ADGRL3: variants seen among roughly 807,000 people sequenced by gnomAD.
ADGRL3 encodes calcium-independent alpha-latrotoxin receptor 3.
Under a neutral mutation model 153.5 loss-of-function variants are expected in ADGRL3, and 62 were observed. That is an observed-to-expected ratio of 0.40 (90% CI 0.33 to 0.50). ADGRL3 has a LOEUF of 0.50. Among genes scored for constraint, ADGRL3 ranks in the 20% least tolerant of loss-of-function variants. ADGRL3 has a pLI of 0.47. For missense variants in ADGRL3, 1,641 were observed against 1,859.4 expected, an observed-to-expected ratio of 0.88 and a Z score of 2.16; for synonymous variants, 710 against 672.5, an observed-to-expected ratio of 1.06 and a Z score of -0.86.
At chr4:61,600,571 G>A (rs2099007268) in intron 5 of ADGRL3, among the ~76,000 whole-genome samples, 1 of 152,088 alleles carries the variant, frequency 6.6e-6, no homozygotes, top group Non-Finnish European at 1.5e-5. Context: ...GAGCAATTTA[G>A]AATACTTGCT....
At chr4:61,315,306 T>C (rs1421906621) in intron 1 of ADGRL3, among the ~76,000 whole-genome samples, 1 of 152,172 alleles carries the variant, frequency 6.6e-6, no homozygotes, top group African/African-American at 2.4e-5. Context: ...TTTCACCCCA[T>C]GGATGGTAAG....
intron 5 of ADGRL3, among the ~76,000 whole-genome samples, chr4:61,608,279 C>A (rs749615847): frequency 6.6e-6 from 1 of 152,138 alleles, no homozygotes; most frequent in South Asian, 2.1e-4. Flanking sequence ...TGGCAGAGGC[C>A]GAACATCTAA....
chr4:61,368,816 G>A (rs1384172433), intron 1 of ADGRL3, among the ~76,000 whole-genome samples: 3 of 152,058 alleles, frequency 2.0e-5, no homozygotes, highest in Non-Finnish European at 2.9e-5. Context: ...AAATTACCTT[G>A]GGCAGTATGG....
At chr4:62,050,655 A>G (rs1281987357) in intron 25 of ADGRL3, among the ~76,000 whole-genome samples, 1 of 152,072 alleles carries the variant, frequency 6.6e-6, no homozygotes, top group Non-Finnish European at 1.5e-5. Flanking sequence ...GATTTATATA[A>G]ATTAAAGCTA....
At chr4:61,621,748 T>G (rs1161105604) in intron 5 of ADGRL3, among the ~76,000 whole-genome samples, 9 of 152,174 alleles carry the variant, frequency 5.9e-5, no homozygotes, top group Admixed American at 5.9e-4. Flanking sequence ...GCTAATTAAT[T>G]GAATAAAACA....
intron 1 of ADGRL3, among the ~76,000 whole-genome samples, chr4:61,261,061 C>T (rs1382043747): frequency 6.6e-6 from 1 of 151,916 alleles, no homozygotes; most frequent in Non-Finnish European, 1.5e-5. Flanking sequence ...GAAAAATATC[C>T]GTTTACCAAG....
chr4:61,861,478 A>C (rs544200175), intron 9 of ADGRL3, among the ~76,000 whole-genome samples: 2 of 152,246 alleles, frequency 1.3e-5, no homozygotes, highest in South Asian at 4.2e-4. Flanking sequence ...ATTGAGCAAC[A>C]ATCTTGACAA....
intron 2 of ADGRL3, among the ~76,000 whole-genome samples, chr4:61,466,150 TAAAC>T (rs1320808122): frequency 3.3e-5 from 5 of 151,814 alleles, no homozygotes; most frequent in South Asian, 2.1e-4. Flanking sequence ...AATAAATAAA[TAAAC>T]AAACAATCCA....
chr4:61,719,764 G>T (rs1422009705), intron 6 of ADGRL3, among the ~76,000 whole-genome samples: 1 of 151,852 alleles, frequency 6.6e-6, no homozygotes, highest in Non-Finnish European at 1.5e-5. Context: ...ACTACGCCTG[G>T]CTAATTTTTG....
At chr4:61,737,333 T>C (rs1580527845) in intron 8 of ADGRL3, among the ~76,000 whole-genome samples, 2 of 152,220 alleles carry the variant, frequency 1.3e-5, no homozygotes, top group East Asian at 1.9e-4. Flanking sequence ...GGGGTATCTA[T>C]GTTTTATGTC....
chr4:61,865,969 G>A (rs183332351), intron 9 of ADGRL3, among the ~76,000 whole-genome samples: 29 of 152,312 alleles, frequency 1.9e-4, no homozygotes, highest in Non-Finnish European at 3.8e-4. Flanking sequence ...ATTGAGGAAA[G>A]TTTGACAGTG....
intron 1 of ADGRL3, among the ~76,000 whole-genome samples, chr4:61,372,624 C>G (rs2096549115): frequency 6.6e-6 from 1 of 152,160 alleles, no homozygotes; most frequent in Non-Finnish European, 1.5e-5. Context: ...AACCACTGCT[C>G]TCTTCAAAGC....
At chr4:61,747,890 T>C (rs532838637) in intron 8 of ADGRL3, among the ~76,000 whole-genome samples, 1 of 152,192 alleles carries the variant, frequency 6.6e-6, no homozygotes, top group African/African-American at 2.4e-5. Context: ...ATAAAGGGTA[T>C]TCAATTAGGA....
chr4:61,716,991 A>G (rs1379020369), intron 6 of ADGRL3, among the ~76,000 whole-genome samples: 4 of 152,100 alleles, frequency 2.6e-5, no homozygotes, highest in Non-Finnish European at 4.4e-5. Context: ...GAACTTGACC[A>G]TGGTGTGATG....
At chr4:61,819,907 A>G (rs920340826) in intron 9 of ADGRL3, among the ~76,000 whole-genome samples, 1 of 152,112 alleles carries the variant, frequency 6.6e-6, no homozygotes, top group Non-Finnish European at 1.5e-5. Context: ...AATTATATAC[A>G]TATATAAAAT....
At chr4:61,661,205 T>TA (rs1262379510) in intron 5 of ADGRL3, among the ~76,000 whole-genome samples, 18 of 152,218 alleles carry the variant, frequency 1.2e-4, no homozygotes, top group Middle Eastern at 3.5e-3. Context: ...ACTGAGTTTT[T>TA]AAAAATTATT....
At chr4:61,694,359 A>T (rs1483635024) in intron 6 of ADGRL3, among the ~76,000 whole-genome samples, 1 of 151,870 alleles carries the variant, frequency 6.6e-6, no homozygotes, top group Admixed American at 6.6e-5. Context: ...CTTCAGAGAT[A>T]CTGTGGGTTC....
intron 4 of ADGRL3, among the ~76,000 whole-genome samples, chr4:61,522,253 A>G (rs1001124917): frequency 1.3e-5 from 2 of 152,150 alleles, no homozygotes; most frequent in African/African-American, 2.4e-5. Context: ...ATAATGTAAC[A>G]TAGCACACAC....
intron 4 of ADGRL3, among the ~76,000 whole-genome samples, chr4:61,544,571 C>T (rs1018022265): frequency 6.6e-6 from 1 of 151,962 alleles, no homozygotes; most frequent in Non-Finnish European, 1.5e-5. Flanking sequence ...CTGTTTTTTC[C>T]CTTTTGGTTT....
Sources: gnomAD v4.1 joint callset for allele counts (sites outside exome capture counted in the v4.1 genomes callset) on GRCh38, gnomAD v4.1.1 for gene constraint, MANE v1.5 for transcripts, NCBI Gene and HGNC (gene_info 2026-07-23, HGNC 2026-07-21) for gene names.